The following TMEM230 variants were observed in gnomAD, a reference collection of about 807,000 sequenced individuals.
The protein encoded by TMEM230 is UPF0414 transmembrane protein C20orf30.
Under a neutral mutation model 15.8 loss-of-function variants are expected in TMEM230, and 10 were observed. That is an observed-to-expected ratio of 0.63 (90% CI 0.39 to 1.07). TMEM230 has a LOEUF of 1.07. TMEM230 is among the 50% of genes least tolerant of loss of function. The probability of loss-of-function intolerance (pLI) is 0.01; values close to 1 mark genes in which losing one functional copy is unlikely to be tolerated. For synonymous variants in TMEM230, 67 were observed against 76.9 expected (o/e 0.87, Z 0.68); for missense variants, 165 against 193.3 (o/e 0.85, Z 0.87).
At chr20:5,106,433 C>A in intron 3 of TMEM230, 123 bp from the exon 3 acceptor site, 1 of 1,235,694 alleles carries the variant, frequency 8.1e-7, no homozygotes, top group African/African-American at 1.5e-5. Flanking sequence ...GATGGAGTTT[C>A]GTTCTTGTTG....
intron 3 of TMEM230, among the ~76,000 whole-genome samples, chr20:5,091,511 G>A (rs1258577980): frequency 2.6e-5 from 4 of 151,936 alleles, no homozygotes; most frequent in Non-Finnish European, 5.9e-5. Context: ...GCACCCAGCT[G>A]GTATTGCTAT....
At chr20:5,112,328 G>C (rs2122862751) in intron 1 of TMEM230, among the ~76,000 whole-genome samples, 1 of 152,158 alleles carries the variant, frequency 6.6e-6, no homozygotes, top group East Asian at 1.9e-4. Flanking sequence ...CAAATAGTAG[G>C]TTTTTAGTGT....
At chr20:5,079,352 CTATTA>C (rs1411049280) in intron 3 of TMEM230, among the ~76,000 whole-genome samples, 15 of 152,172 alleles carry the variant, frequency 9.9e-5, no homozygotes, top group African/African-American at 3.6e-4. Context: ...TTTTCCTTGG[CTATTA>C]TATTAATCTT....
downstream of TMEM230, among the ~76,000 whole-genome samples, chr20:5,098,777 A>C (rs925828525): frequency 1.3e-5 from 2 of 152,034 alleles, no homozygotes; most frequent in African/African-American, 4.8e-5. Context: ...ATCTCCATGG[A>C]TATGGAAAGA....
chr20:5,112,313 T>A (rs1042523777), intron 1 of TMEM230, among the ~76,000 whole-genome samples: 2 of 152,252 alleles, frequency 1.3e-5, no homozygotes, highest in Admixed American at 1.3e-4. Flanking sequence ...TGGATCAAAC[T>A]GTGTCAAATA....
downstream of TMEM230, among the ~76,000 whole-genome samples, chr20:5,097,818 C>T (rs945051458): frequency 3.3e-5 from 5 of 151,602 alleles, no homozygotes; most frequent in African/African-American, 1.2e-4. Context: ...TATTTTTAGG[C>T]CAGGCTGATC....
intron 3 of TMEM230, among the ~76,000 whole-genome samples, chr20:5,075,535 G>A (rs2088963412): frequency 6.6e-6 from 1 of 151,560 alleles, no homozygotes; most frequent in South Asian, 2.1e-4. Flanking sequence ...GACCAGCCTG[G>A]CCAACATGGT....
downstream of TMEM230, among the ~76,000 whole-genome samples, chr20:5,065,820 C>T (rs2088646715): frequency 1.3e-5 from 2 of 152,200 alleles, no homozygotes; most frequent in Non-Finnish European, 2.9e-5. Context: ...AGGGATCACG[C>T]CCCTGCCATG....
intron 4 of TMEM230, among the ~76,000 whole-genome samples, chr20:5,102,304 A>G (rs1363289471): frequency 1.3e-5 from 2 of 152,210 alleles, no homozygotes; most frequent in African/African-American, 4.8e-5. Context: ...CTGAATAGAC[A>G]AAGAGTAATG....
downstream of TMEM230, among the ~76,000 whole-genome samples, chr20:5,067,035 A>G (rs1281044150): frequency 6.6e-6 from 1 of 152,150 alleles, no homozygotes; most frequent in African/African-American, 2.4e-5. Flanking sequence ...AAGGACTCCA[A>G]GTAGTGGAGA....
At chr20:5,064,510 A>G (rs540196797), downstream of TMEM230, among the ~76,000 whole-genome samples, 152 of 152,158 alleles carry the variant, frequency 1.0e-3, no homozygotes, top group Non-Finnish European at 1.9e-3. Flanking sequence ...CAGGAGGTGG[A>G]GGTTGCGGTG....
intron 3 of TMEM230, among the ~76,000 whole-genome samples, chr20:5,084,044 T>C (rs1280863880): frequency 6.6e-6 from 1 of 152,124 alleles, no homozygotes; most frequent in Non-Finnish European, 1.5e-5. Flanking sequence ...GTGTCAACTG[T>C]TCCCTTCTTT....
At chr20:5,096,986 T>C (rs892109851), downstream of TMEM230, among the ~76,000 whole-genome samples, 1 of 152,192 alleles carries the variant, frequency 6.6e-6, no homozygotes, top group South Asian at 2.1e-4. Context: ...CTAAAACTTG[T>C]ACTACCTTAC....
At chr20:5,109,488 C>A in intron 2 of TMEM230, 43 bp from the exon 2 acceptor site, 1 of 1,467,568 alleles carries the variant, frequency 6.8e-7, no homozygotes, top group Non-Finnish European at 9.5e-7. Context: ...CTGTAGATGA[C>A]AATGGTGCAT....
chr20:5,104,930 A>G (rs1386926640), intron 4 of TMEM230, among the ~76,000 whole-genome samples: 1 of 152,258 alleles, frequency 6.6e-6, no homozygotes, highest in East Asian at 1.9e-4. Context: ...CATAGAATGA[A>G]TAAGCTCTAG....
At chr20:5,090,228 C>T (rs1468327604) in intron 3 of TMEM230, among the ~76,000 whole-genome samples, 1 of 152,122 alleles carries the variant, frequency 6.6e-6, no homozygotes, top group Non-Finnish European at 1.5e-5. Flanking sequence ...AATTCCCTAA[C>T]ACTAAAGGAC....
chr20:5,060,037 G>A, the TMEM230 span, among the ~76,000 whole-genome samples: 8 of 152,236 alleles, frequency 5.3e-5, no homozygotes, highest in South Asian at 1.7e-3. Flanking sequence ...CTCCCAAAGT[G>A]CTGGGATTAC....
At chr20:5,060,369 C>A in the TMEM230 span, among the ~76,000 whole-genome samples, 4 of 125,392 alleles carry the variant, frequency 3.2e-5, no homozygotes, top group Non-Finnish European at 6.3e-5. Context: ...TGGAGTCTTG[C>A]TCTGTCACCC....
intron 3 of TMEM230, among the ~76,000 whole-genome samples, chr20:5,106,832 A>G (rs779206668): frequency 1.3e-5 from 2 of 152,088 alleles, no homozygotes; most frequent in African/African-American, 4.8e-5. Context: ...CATCCTCTCA[A>G]GTAGCTGGGA....
Sources: allele counts gnomAD v4.1 joint callset (sites outside exome capture counted in the v4.1 genomes callset), GRCh38; gene constraint gnomAD v4.1.1; transcripts MANE v1.5; gene names NCBI Gene and HGNC (gene_info 2026-07-23, HGNC 2026-07-21).